NRG3: variants seen among roughly 807,000 people sequenced by gnomAD.
NRG3 encodes neuregulin 3.
In NRG3, 31 loss-of-function variants were observed where a neutral mutation model predicts 66.9. The observed-to-expected ratio is 0.46, with a 90% CI of 0.35 to 0.63. The LOEUF is 0.63. Ranked by LOEUF, NRG3 falls within the 20% of genes least tolerant of loss-of-function variation. NRG3 has a pLI of 0.00. For synonymous variants in NRG3, 393 were observed against 359.4 expected, an observed-to-expected ratio of 1.09 and a Z score of -1.06; for missense variants, 910 against 878.9, an observed-to-expected ratio of 1.04 and a Z score of -0.45.
intron 2 of NRG3, among the ~76,000 whole-genome samples, chr10:82,709,606 CT>C (rs1298927635): frequency 6.6e-6 from 1 of 152,114 alleles, no homozygotes; most frequent in Non-Finnish European, 1.5e-5. Context: ...GTCTGGATCT[CT>C]TGACCTCATG....
chr10:82,860,358 T>G (rs2064057860), intron 3 of NRG3, among the ~76,000 whole-genome samples: 1 of 152,148 alleles, frequency 6.6e-6, no homozygotes, highest in African/African-American at 2.4e-5. Context: ...ATTAAATAAT[T>G]CCTCCCTGAA....
intron 2 of NRG3, among the ~76,000 whole-genome samples, chr10:82,431,564 G>A (rs2136326822): frequency 6.6e-6 from 1 of 152,120 alleles, no homozygotes; most frequent in South Asian, 2.1e-4. Context: ...TTTCTTTTAG[G>A]GAGGAGTAGG....
At chr10:82,918,587 C>T (rs1411874667) in intron 4 of NRG3, among the ~76,000 whole-genome samples, 1 of 152,100 alleles carries the variant, frequency 6.6e-6, no homozygotes, top group Non-Finnish European at 1.5e-5. Flanking sequence ...ACTTACGTGG[C>T]AAGTTGATTA....
At chr10:82,783,855 C>T (rs1281813326) in intron 3 of NRG3, among the ~76,000 whole-genome samples, 7 of 151,992 alleles carry the variant, frequency 4.6e-5, no homozygotes, top group African/African-American at 1.4e-4. Flanking sequence ...TGGAAAAAAC[C>T]ACTTTAAAGT....
At chr10:82,770,084 T>C (rs915753143) in intron 3 of NRG3, among the ~76,000 whole-genome samples, 1 of 152,116 alleles carries the variant, frequency 6.6e-6, no homozygotes, top group African/African-American at 2.4e-5. Context: ...ATGAATAGAA[T>C]AAAAATGAGT....
At chr10:82,411,006 T>C (rs1355138365) in intron 2 of NRG3, among the ~76,000 whole-genome samples, 1 of 152,180 alleles carries the variant, frequency 6.6e-6, no homozygotes, top group Non-Finnish European at 1.5e-5. Context: ...GAATTTACAC[T>C]GGACAAATTG....
intron 2 of NRG3, among the ~76,000 whole-genome samples, chr10:82,695,922 T>G (rs1368906429): frequency 6.6e-6 from 1 of 152,150 alleles, no homozygotes; most frequent in East Asian, 1.9e-4. Flanking sequence ...CTCTGGAGTC[T>G]TTTTGAGTCA....
chr10:82,037,418 A>C (rs1160953021), intron 1 of NRG3, among the ~76,000 whole-genome samples: 1 of 152,152 alleles, frequency 6.6e-6, no homozygotes, highest in Non-Finnish European at 1.5e-5. Context: ...AGGCAACTGC[A>C]TTGTCTCTGG....
chr10:82,396,794 TCTCA>T (rs1399609640), intron 2 of NRG3, among the ~76,000 whole-genome samples: 1 of 152,142 alleles, frequency 6.6e-6, no homozygotes, highest in African/African-American at 2.4e-5. Flanking sequence ...TTTGTCCCTC[TCTCA>T]CTCTGTGTGT....
At chr10:82,156,161 G>A (rs2071168180) in intron 1 of NRG3, among the ~76,000 whole-genome samples, 1 of 151,264 alleles carries the variant, frequency 6.6e-6, no homozygotes, top group Non-Finnish European at 1.5e-5. Context: ...ATATTTTAGG[G>A]CAAAATTTCA....
At chr10:82,583,416 G>C (rs903139673) in intron 2 of NRG3, among the ~76,000 whole-genome samples, 1 of 152,130 alleles carries the variant, frequency 6.6e-6, no homozygotes, top group African/African-American at 2.4e-5. Context: ...TTGTTAAGTA[G>C]AGTATTGGCA....
At chr10:82,737,806 CAG>C (rs750833125) in intron 2 of NRG3, among the ~76,000 whole-genome samples, 1 of 152,194 alleles carries the variant, frequency 6.6e-6, no homozygotes. Context: ...GAAGACCCGA[CAG>C]GGGCCTGGCA....
chr10:81,889,593 G>A (rs549788822), intron 1 of NRG3: 7 of 152,310 alleles, frequency 4.6e-5, no homozygotes, highest in African/African-American at 1.4e-4. Flanking sequence ...AGGGGCTATA[G>A]CGCTGTGTAA....
At chr10:82,289,245 A>G (rs2079590376) in intron 1 of NRG3, among the ~76,000 whole-genome samples, 1 of 152,086 alleles carries the variant, frequency 6.6e-6, no homozygotes, top group African/African-American at 2.4e-5. Context: ...AGGTAACAGG[A>G]CAAAGAATCA....
intron 1 of NRG3, among the ~76,000 whole-genome samples, chr10:82,286,011 T>C (rs2079398952): frequency 6.6e-6 from 1 of 152,334 alleles, no homozygotes; most frequent in Non-Finnish European, 1.5e-5. Flanking sequence ...ATTTTCAACA[T>C]AGAATGGCTA....
chr10:82,174,995 A>C (rs1465446158), intron 1 of NRG3, among the ~76,000 whole-genome samples: 2 of 152,180 alleles, frequency 1.3e-5, no homozygotes, highest in Non-Finnish European at 2.9e-5. Context: ...TTTTTTAAAA[A>C]AATTATGGTT....
At chr10:82,776,294 G>C (rs960882766) in intron 3 of NRG3, among the ~76,000 whole-genome samples, 3 of 152,142 alleles carry the variant, frequency 2.0e-5, no homozygotes, top group Non-Finnish European at 2.9e-5. Context: ...AATCACTGAT[G>C]ATCTGATGGG....
At chr10:82,825,112 C>G (rs1013782963) in intron 3 of NRG3, among the ~76,000 whole-genome samples, 1 of 152,136 alleles carries the variant, frequency 6.6e-6, no homozygotes, top group East Asian at 1.9e-4. Flanking sequence ...CTCCCATTCT[C>G]TATGCTGTCT....
intron 2 of NRG3, among the ~76,000 whole-genome samples, chr10:82,423,864 A>G (rs2089244047): frequency 6.6e-6 from 1 of 152,012 alleles, no homozygotes; most frequent in African/African-American, 2.4e-5. Flanking sequence ...TTTGTCTAGT[A>G]TGGACATTTC....
Sources: allele counts gnomAD v4.1 joint callset (sites outside exome capture counted in the v4.1 genomes callset), GRCh38; gene constraint gnomAD v4.1.1; transcripts MANE v1.5; gene names NCBI Gene and HGNC (gene_info 2026-07-23, HGNC 2026-07-21).